Variants in SETD3 observed in about 807,000 individuals in gnomAD.
The protein encoded by SETD3 is actin-histidine N-methyltransferase.
In SETD3, 19 loss-of-function variants were observed where a neutral mutation model predicts 63.0. That is an observed-to-expected ratio of 0.30 (90% CI 0.21 to 0.44). The LOEUF is 0.44. SETD3 is among the 20% of genes least tolerant of loss of function. SETD3 has a pLI of 1.00. For synonymous variants in SETD3, 286 were observed against 264.1 expected, an observed-to-expected ratio of 1.08 and a Z score of -0.80; for missense variants, 587 against 728.5, an observed-to-expected ratio of 0.81 and a Z score of 2.24.
At chr14:99,448,210 G>C (rs962408149) in intron 6 of SETD3, among the ~76,000 whole-genome samples, 4 of 152,010 alleles carry the variant, frequency 2.6e-5, no homozygotes, top group African/African-American at 9.7e-5. Context: ...TTCCCCATTT[G>C]AAAAATGAGG....
chr14:99,438,704 T>A (rs1012226881), intron 6 of SETD3, among the ~76,000 whole-genome samples: 1 of 152,022 alleles, frequency 6.6e-6, no homozygotes, highest in Non-Finnish European at 1.5e-5. Flanking sequence ...GCCGCTGGGG[T>A]TGTCATTAAG....
At chr14:99,456,122 T>G (rs1894745969) in intron 6 of SETD3, among the ~76,000 whole-genome samples, 1 of 152,026 alleles carries the variant, frequency 6.6e-6, no homozygotes, top group South Asian at 2.1e-4. Context: ...GCCACTACAC[T>G]CTAGCCTGGG....
At chr14:99,448,916 A>T (rs1894293358) in intron 6 of SETD3, among the ~76,000 whole-genome samples, 1 of 152,226 alleles carries the variant, frequency 6.6e-6, no homozygotes, top group African/African-American at 2.4e-5. Flanking sequence ...CAATTTCAGC[A>T]ATTTTTTATT....
intron 6 of SETD3, among the ~76,000 whole-genome samples, chr14:99,424,571 G>T (rs1245362632): frequency 6.6e-6 from 1 of 152,204 alleles, no homozygotes. Context: ...ATAAAGCCAG[G>T]ACAGAAAGAA....
chr14:99,451,659 A>G lies in SETD3; in HGVS notation c.675+6620T>C, dbSNP rs958163134. ...GTAGCTGGAACTACAGGCGTGTGCCACCATGCCTAGCTATTTTTTGTATTT... is the reference window on the plus strand; with the variant it reads ...GTAGCTGGAACTACAGGCGTGTGCCGCCATGCCTAGCTATTTTTTGTATTT... On this transcript the variant is annotated intron_variant, in intron 6 of 12. Coordinates refer to ENST00000331768, the MANE Select transcript of SETD3 (RefSeq NM_032233.3). 4.6e-5 allele frequency among the ~76,000 whole-genome samples: 7 copies of G among 152,144 alleles called. No individual in the cohort carries two copies. In the South Asian group the frequency reaches 1.5e-3, roughly 32 times the overall value.
At chr14:99,403,449 A>ACTCTCTCTCTCTCTCT (rs1891492780) in intron 11 of SETD3, among the ~76,000 whole-genome samples, 2 of 110,618 alleles carry the variant, frequency 1.8e-5, no homozygotes, top group Non-Finnish European at 3.5e-5. Flanking sequence ...ACACACACAC[A>ACTCTCTCTCTCTCTCT]CACACACTCT....
upstream of SETD3, among the ~76,000 whole-genome samples, chr14:99,484,525 T>C (rs1384894764): frequency 6.6e-6 from 1 of 152,200 alleles, no homozygotes; most frequent in Non-Finnish European, 1.5e-5. Flanking sequence ...AGACAATCAA[T>C]AGATAAGGGA....
upstream of SETD3, among the ~76,000 whole-genome samples, chr14:99,482,348 G>A (rs1008490357): frequency 9.9e-5 from 15 of 152,218 alleles, no homozygotes; most frequent in African/African-American, 3.6e-4. Context: ...AGGTTTGTAT[G>A]AATGATGTTG....
chr14:99,430,608 A>G (rs1411075578), intron 6 of SETD3, among the ~76,000 whole-genome samples: 2 of 152,232 alleles, frequency 1.3e-5, no homozygotes, highest in African/African-American at 2.4e-5. Flanking sequence ...AGTGCCAAAC[A>G]TTAGGCTAGG....
At chr14:99,405,074 T>C in intron 10 of SETD3, 131 bp downstream of exon 10, 1 of 1,287,696 alleles carries the variant, frequency 7.8e-7, no homozygotes, top group Non-Finnish European at 1.0e-6. Context: ...TTAAATTTGC[T>C]GTGCCACGGG....
upstream of SETD3, among the ~76,000 whole-genome samples, chr14:99,485,638 A>G (rs190655661): frequency 3.9e-5 from 6 of 152,322 alleles, no homozygotes; most frequent in Non-Finnish European, 8.8e-5. Flanking sequence ...AACCAAAACA[A>G]TAACAAAACC....
At chr14:99,414,424 G>A (rs1050015575) in intron 6 of SETD3, among the ~76,000 whole-genome samples, 4 of 152,182 alleles carry the variant, frequency 2.6e-5, no homozygotes, top group Non-Finnish European at 5.9e-5. Context: ...ATTTCTCTCC[G>A]ACTTAAGTCA....
chr14:99,468,257 C>T (rs1483775085), intron 1 of SETD3, among the ~76,000 whole-genome samples: 1 of 151,984 alleles, frequency 6.6e-6, no homozygotes, highest in African/African-American at 2.4e-5. Context: ...AGCCACTCAG[C>T]CCACACCTAG....
intron 6 of SETD3, among the ~76,000 whole-genome samples, chr14:99,424,668 T>C (rs1487555970): frequency 6.6e-6 from 1 of 151,384 alleles, no homozygotes; most frequent in Non-Finnish European, 1.5e-5. Flanking sequence ...CTAAGGGGGG[T>C]CCCTTCCTCA....
chr14:99,400,009 G>C, intron 12 of SETD3, 90 bp downstream of exon 12: 1 of 1,221,842 alleles, frequency 8.2e-7, no homozygotes, highest in South Asian at 1.6e-5. Flanking sequence ...CCAAAGTGCT[G>C]GGATTACAGG....
chr14:99,435,390 G>A (rs1168911938), intron 6 of SETD3, among the ~76,000 whole-genome samples: 1 of 152,090 alleles, frequency 6.6e-6, no homozygotes, highest in Non-Finnish European at 1.5e-5. Context: ...TGTTATTCAA[G>A]TATTTTATTG....
At chr14:99,432,604 C>G (rs1226132573) in intron 6 of SETD3, among the ~76,000 whole-genome samples, 1 of 152,196 alleles carries the variant, frequency 6.6e-6, no homozygotes, top group Non-Finnish European at 1.5e-5. Flanking sequence ...TGTGGAATGA[C>G]CAAGATTTCT....
chr14:99,465,666 C>T, intron 2 of SETD3, 37 bp downstream of exon 2: 1 of 1,522,092 alleles, frequency 6.6e-7, no homozygotes, highest in South Asian at 1.1e-5. Flanking sequence ...GGCACAGCCA[C>T]CACATCAAGG....
chr14:99,399,752 T>A (rs1448816140), intron 12 of SETD3, among the ~76,000 whole-genome samples: 1 of 140,456 alleles, frequency 7.1e-6, no homozygotes, highest in Non-Finnish European at 1.5e-5. Context: ...TTTTTTTTTT[T>A]TTTTTTTTTT....
Sources: allele counts gnomAD v4.1 joint callset (sites outside exome capture counted in the v4.1 genomes callset), GRCh38; gene constraint gnomAD v4.1.1; transcripts MANE v1.5; gene names NCBI Gene and HGNC (gene_info 2026-07-23, HGNC 2026-07-21).